Variants in PCDHA10 observed in about 807,000 individuals in gnomAD.
PCDHA10 encodes the protein protocadherin alpha 10.
A neutral mutation model predicts 61.2 loss-of-function variants in PCDHA10; 45 were observed. The ratio of observed to expected loss-of-function variants is 0.74; its 90% CI spans 0.58 to 0.94. The LOEUF (loss-of-function observed/expected upper bound fraction) is 0.94, where lower values mean the gene tolerates loss of function less well. PCDHA10 is among the 40% of genes least tolerant of loss of function. PCDHA10 has a pLI of 0.00. For synonymous variants in PCDHA10, 602 were observed against 548.8 expected, an observed-to-expected ratio of 1.10 and a Z score of -1.35; for missense variants, 1,278 against 1,236.2, an observed-to-expected ratio of 1.03 and a Z score of -0.51.
intron 1 of PCDHA10, among the ~76,000 whole-genome samples, chr5:140,923,269 T>C (rs1554201320): frequency 6.6e-6 from 1 of 152,218 alleles, no homozygotes; most frequent in Non-Finnish European, 1.5e-5. Flanking sequence ...TGAGACCTTG[T>C]CTCTACAAAA....
rs566700844 is a variant in PCDHA10, at chr5:140,926,191, C to T, written c.2389-52758C>T. On this transcript the variant is annotated intron_variant, in intron 1 of 3. Coordinates refer to ENST00000307360, the MANE Select transcript of PCDHA10 (RefSeq NM_018901.4). Reference sequence around the variant, plus strand: ...CCAGCGCGGAAAGCCCCCCGCAGCACTTCTTTCGGGGGGCTCCTGTTTCCT... The same window carrying T: ...CCAGCGCGGAAAGCCCCCCGCAGCATTTCTTTCGGGGGGCTCCTGTTTCCT... Among the ~76,000 whole-genome samples the T allele has an allele frequency of 8.1e-3, 1,227 of 151,838 alleles. 6 individuals carry two copies. Among genetic ancestry groups the T allele is most frequent in the African/African-American group, 0.019 (793 of 41,542 alleles).
Position 140,906,732 on chromosome 5 carries a change from T to G in PCDHA10, c.2388+48296T>G, listed in dbSNP as rs535007647. On this transcript the variant is annotated intron_variant, in intron 1 of 3. Coordinates refer to ENST00000307360, the MANE Select transcript of PCDHA10 (RefSeq NM_018901.4). ...CTGCCTGGATTGTGCTGTTGTAGTT[T>G]CCCATTGACACAGGGCATGGTAATA... Among the ~76,000 whole-genome samples, 14 of 152,296 alleles carry G rather than the reference T, an allele frequency of 9.2e-5. No individual in the cohort carries two copies. The South Asian group carries it at 2.7e-3, about 29-fold the overall frequency.
intron 1 of PCDHA10, among the ~76,000 whole-genome samples, chr5:140,942,118 A>C (rs554488765): frequency 1.3e-5 from 2 of 152,360 alleles, no homozygotes; most frequent in East Asian, 3.9e-4. Flanking sequence ...AAACTTTATT[A>C]AAGGTGATAT....
chr5:140,991,433 T>G (rs1441155854), intron 3 of PCDHA10, among the ~76,000 whole-genome samples: 1 of 152,194 alleles, frequency 6.6e-6, no homozygotes, highest in Non-Finnish European at 1.5e-5. Context: ...AACCATAAAC[T>G]TCATGGCTTA....
intron 1 of PCDHA10, among the ~76,000 whole-genome samples, chr5:140,888,841 C>T (rs2062001270): frequency 1.3e-5 from 2 of 151,998 alleles, no homozygotes; most frequent in Admixed American, 1.3e-4. Flanking sequence ...CCACTGCAGC[C>T]TGGTGACAGA....
chr5:140,964,930 G>A (rs1480159584), intron 1 of PCDHA10, among the ~76,000 whole-genome samples: 12 of 152,306 alleles, frequency 7.9e-5, no homozygotes, highest in Middle Eastern at 3.4e-3. Flanking sequence ...CTAGGTAGTG[G>A]AGCATTGATA....
In PCDHA10 at chr5:140,856,056, C is replaced by T. The variant is rs2043749341; in HGVS notation, c.8C>T (p.Ser3Phe). Residue 3 changes from serine to phenylalanine, a missense_variant, in exon 1 of 4, where the codon TCC becomes TTC. Physicochemically the swap from Ser to Phe is radical, Grantham distance 155. Transcript: ENST00000307360. Reference sequence around the variant, plus strand: ...AAACAAGAGAAGGATAAGATGGTTTCCAGATGTAGCTGCCTGGGGGTCCAG... The same window carrying T: ...AAACAAGAGAAGGATAAGATGGTTTTCAGATGTAGCTGCCTGGGGGTCCAG... MV[S>F]RCSCLGVQCL... is the part of the protein sequence containing the mutation. 1 of 1,586,796 alleles carries T rather than the reference C, an allele frequency of 6.3e-7. No individual in the cohort carries two copies. Among genetic ancestry groups the T allele is most frequent in the Non-Finnish European group, 8.6e-7 (1 of 1,160,906 alleles).
In PCDHA10 at chr5:140,858,291, A is replaced by C. The variant is rs782112368; in HGVS notation, c.2243A>C (p.Tyr748Ser). 6.3e-7 allele frequency: 1 copy of C among 1,597,182 alleles called. No individual in the cohort carries two copies. The highest frequency in any genetic ancestry group is 1.1e-5 in the South Asian group (1 of 90,486). ...TCTAGCGCGGTGGGGAGCTGGTCTT[A>C]CTCGCAGCAGAGGCGGCAGAGGGTG... is the stretch of plus-strand genomic sequence containing the variant. ...VCSSAVGSWS[Y>S]SQQRRQRVCS... Residue 748 changes from tyrosine (Y) to serine (S), a missense_variant, in exon 1 of 4, where the codon TAC becomes TCC. Transcript: ENST00000307360.
chr5:140,867,027 C>G (rs1043288554), intron 1 of PCDHA10: 1 of 152,102 alleles, frequency 6.6e-6, no homozygotes, highest in Non-Finnish European at 1.5e-5. Flanking sequence ...ATATCAAACT[C>G]TTTTATGACT....
chr5:140,928,081 C>G lies in PCDHA10; in HGVS notation c.2389-50868C>G, dbSNP rs782268064. On this transcript the variant is annotated intron_variant, in intron 1 of 3. Coordinates refer to ENST00000307360, the MANE Select transcript of PCDHA10 (RefSeq NM_018901.4). ...GGCTTCCTTTGACAACTACTACAGC[C>G]TGCTGATTGATGGGCCCCTGGACCG... is the stretch of plus-strand genomic sequence containing the variant. 6.2e-6 allele frequency: 10 copies of G among 1,614,090 alleles called. 1 individual carries two copies. In the South Asian group the frequency reaches 6.6e-5, roughly 11 times the overall value.
At chr5:140,863,304 C>T in intron 1 of PCDHA10, 1 of 1,463,904 alleles carries the variant, frequency 6.8e-7, no homozygotes, top group Non-Finnish European at 9.3e-7. Context: ...TCATCGCCAT[C>T]TGCGTGGTGT....
intron 1 of PCDHA10, among the ~76,000 whole-genome samples, chr5:140,946,530 C>T (rs2093957873): frequency 6.6e-6 from 1 of 150,514 alleles, no homozygotes; most frequent in African/African-American, 2.5e-5. Context: ...CTCCCATGTT[C>T]ATTGCAGCAT....
At chr5:140,863,761 A>C (rs1000713461) in intron 1 of PCDHA10, 5 of 242,322 alleles carry the variant, frequency 2.1e-5, no homozygotes, top group Non-Finnish European at 3.3e-5. Flanking sequence ...CACTTTGGGA[A>C]GCCGAGGCGG....
At chr5:140,966,744 T>A in intron 1 of PCDHA10, 1 of 1,424,124 alleles carries the variant, frequency 7.0e-7, no homozygotes. Flanking sequence ...CCTGCCCGGC[T>A]GCCTCCGCCG....
At chr5:140,862,620 G>C in intron 1 of PCDHA10, 1 of 528,384 alleles carries the variant, frequency 1.9e-6, no homozygotes, top group Non-Finnish European at 3.8e-6. Context: ...GTAACAACCC[G>C]CGGGGCTGCC....
At chr5:140,884,357 A>G (rs1562803365) in intron 1 of PCDHA10, 1 of 1,613,864 alleles carries the variant, frequency 6.2e-7, no homozygotes, top group Non-Finnish European at 8.5e-7. Flanking sequence ...GGTGGATGTC[A>G]ATGTTTACTT....
At chr5:140,959,317 A>G (rs1424960169) in intron 1 of PCDHA10, among the ~76,000 whole-genome samples, 3 of 152,078 alleles carry the variant, frequency 2.0e-5, no homozygotes, top group Non-Finnish European at 4.4e-5. Flanking sequence ...TGAAGCTGCA[A>G]TAAGTTTTGA....
chr5:140,927,432 C>G lies in PCDHA10; in HGVS notation c.2389-51517C>G, dbSNP rs781874569. The G allele has an allele frequency of 6.8e-6, 11 of 1,614,124 alleles. No homozygotes were observed. The East Asian group carries it at 2.5e-4, about 36-fold the overall frequency. On this transcript the variant is annotated intron_variant, in intron 1 of 3. Transcript: ENST00000307360. Reference sequence around the variant, plus strand: ...ACATGGGATCGCGGGTTGACGGCAGCGAATACCCGGAGTTGGTGTTGGAGA... The same window carrying G: ...ACATGGGATCGCGGGTTGACGGCAGGGAATACCCGGAGTTGGTGTTGGAGA...
Position 140,877,553 on chromosome 5 carries a change from T to C in PCDHA10, c.2388+19117T>C, listed in dbSNP as rs781933436. The C allele has an allele frequency of 1.9e-6, 3 of 1,613,720 alleles. No individual in the cohort carries two copies. The South Asian group carries it at 3.3e-5, about 18-fold the overall frequency. On this transcript the variant is annotated intron_variant, in intron 1 of 3. Coordinates refer to ENST00000307360, the MANE Select transcript of PCDHA10 (RefSeq NM_018901.4). ...GCTGTGGATCCCGAAGCGGCTCTGG[T>C]GGATATTAACGTGTACCTCATCATC...
Sources: gnomAD v4.1 joint callset for allele counts (sites outside exome capture counted in the v4.1 genomes callset) on GRCh38, gnomAD v4.1.1 for gene constraint, MANE v1.5 for transcripts, NCBI Gene and HGNC (gene_info 2026-07-23, HGNC 2026-07-21) for gene names.